Variants in RHOBTB1 observed in about 807,000 individuals in gnomAD.
RHOBTB1 encodes the protein Rho related BTB domain containing 1.
Under a neutral mutation model 71.6 loss-of-function variants are expected in RHOBTB1, and 40 were observed. The observed-to-expected ratio is 0.56, with a 90% CI of 0.43 to 0.73. The LOEUF (loss-of-function observed/expected upper bound fraction) is 0.73, where lower values mean the gene tolerates loss of function less well. Ranked by LOEUF, RHOBTB1 falls within the 30% of genes least tolerant of loss-of-function variation. The pLI is 0.00. For synonymous variants in RHOBTB1, 319 were observed against 334.9 expected, an observed-to-expected ratio of 0.95 and a Z score of 0.52; for missense variants, 797 against 894.0, an observed-to-expected ratio of 0.89 and a Z score of 1.38.
intron 2 of RHOBTB1, among the ~76,000 whole-genome samples, chr10:60,967,441 A>G (rs1279816080): frequency 1.3e-5 from 2 of 151,920 alleles, no homozygotes; most frequent in East Asian, 3.9e-4. Context: ...TACAGGTGTG[A>G]GCCAGTGTGT....
intron 1 of RHOBTB1, among the ~76,000 whole-genome samples, chr10:60,992,822 C>T (rs2086913986): frequency 3.3e-5 from 5 of 152,048 alleles, no homozygotes. Context: ...AAACACATTC[C>T]ATTTAAGAAT....
chr10:60,993,430 T>C (rs2086937011), intron 1 of RHOBTB1, among the ~76,000 whole-genome samples: 2 of 152,194 alleles, frequency 1.3e-5, no homozygotes, highest in African/African-American at 2.4e-5. Context: ...GTTTCTATTA[T>C]ATACATATGC....
intron 2 of RHOBTB1, among the ~76,000 whole-genome samples, chr10:60,970,665 A>G (rs191198323): frequency 3.3e-5 from 5 of 152,254 alleles, no homozygotes; most frequent in East Asian, 3.9e-4. Flanking sequence ...ACCAAACAAC[A>G]TAAGACTCAA....
At chr10:60,890,430 C>T (rs1180119566) in intron 5 of RHOBTB1, among the ~76,000 whole-genome samples, 1 of 152,106 alleles carries the variant, frequency 6.6e-6, no homozygotes, top group Admixed American at 6.6e-5. Context: ...AGTCCATACC[C>T]TTTAGGCTGG....
At chr10:61,001,731 A>C (rs1345567097), upstream of RHOBTB1, among the ~76,000 whole-genome samples, 1 of 152,018 alleles carries the variant, frequency 6.6e-6, no homozygotes, top group Non-Finnish European at 1.5e-5. Flanking sequence ...CAGGGCTGTC[A>C]CCCGCTGGCG....
chr10:60,976,680 T>C, intron 2 of RHOBTB1, among the ~76,000 whole-genome samples: 1 of 152,168 alleles, frequency 6.6e-6, no homozygotes, highest in East Asian at 1.9e-4. Context: ...TACCTCATAA[T>C]ATGTTGTCTT....
chr10:60,969,671 T>C (rs1251901433), intron 2 of RHOBTB1, among the ~76,000 whole-genome samples: 1 of 152,102 alleles, frequency 6.6e-6, no homozygotes, highest in Non-Finnish European at 1.5e-5. Context: ...CTGTGTGTTT[T>C]AGCATCACTT....
rs573491866 is a variant in RHOBTB1, at chr10:60,927,539, G to C, written c.-11+14265C>G. On this transcript the variant is annotated intron_variant, in intron 2 of 10. Transcript: ENST00000337910. ...ACACACTGACCAATGGAAGAGAATAGAGAACCCAGAAAAAAATTCCCACAT... is the reference window on the plus strand; with the variant it reads ...ACACACTGACCAATGGAAGAGAATACAGAACCCAGAAAAAAATTCCCACAT... Among the ~76,000 whole-genome samples the C allele has an allele frequency of 1.2e-4, 18 of 152,256 alleles. No individual in the cohort carries two copies. In the East Asian group the frequency reaches 3.3e-3, roughly 28 times the overall value.
intron 4 of RHOBTB1, among the ~76,000 whole-genome samples, chr10:60,906,690 C>T (rs1002382848): frequency 3.3e-5 from 5 of 152,204 alleles, no homozygotes; most frequent in African/African-American, 4.8e-5. Context: ...GGCCTGGTGC[C>T]TGGGGCACCC....
intron 1 of RHOBTB1, among the ~76,000 whole-genome samples, chr10:60,996,571 G>A (rs1356664054): frequency 6.6e-6 from 1 of 152,120 alleles, no homozygotes; most frequent in East Asian, 1.9e-4. Flanking sequence ...CGGCAGCCTG[G>A]AACCCAAGGG....
chr10:60,919,809 T>C (rs1431488280), intron 2 of RHOBTB1, among the ~76,000 whole-genome samples: 1 of 152,228 alleles, frequency 6.6e-6, no homozygotes, highest in Non-Finnish European at 1.5e-5. Context: ...GATCGTGCTC[T>C]CTATGCTTTT....
rs2080692899 is a variant in RHOBTB1 at position 60,869,736 on chromosome 10, G to A, written c.*1746C>T. ...ATACATGTCAATTCTTCCACATCTT[G>A]TCTCCTTTCTCCTTCCATCGATAAG... On this transcript the variant is annotated 3_prime_UTR_variant, in exon 11 of 11. Coordinates refer to ENST00000337910, the MANE Select transcript of RHOBTB1 (RefSeq NM_014836.5). The A allele has an allele frequency of 1.3e-5, 2 of 152,476 alleles. No individual in the cohort carries two copies. The highest frequency in any genetic ancestry group is 4.8e-5 in the African/African-American group (2 of 41,404). The allele number at this position is 152,476 out of a possible 1,614,324, so 9.4% of individuals were successfully genotyped here. A position where few individuals can be genotyped will look rare whatever the true frequency, so the allele number is the denominator to read the frequency against.
Position 60,911,429 on chromosome 10 carries a change from G to A in RHOBTB1, c.114C>T (p.Thr38=). ...CCAGCAGCTGATACTGCGTGAGTGTGGTGTTGCACGCCCTGGCACAGATCA... is the reference window on the plus strand; with the variant it reads ...CCAGCAGCTGATACTGCGTGAGTGTAGTGTTGCACGCCCTGGCACAGATCA... ...TRLICARACN[T]TLTQYQLLAT... The change falls in exon 3 of 11, where the codon ACC becomes ACT. Residue 38 remains threonine, a synonymous_variant. Coordinates refer to ENST00000337910, the MANE Select transcript of RHOBTB1 (RefSeq NM_014836.5). 1 of 1,614,184 alleles carries A rather than the reference G, an allele frequency of 6.2e-7. No individual in the cohort carries two copies. Among genetic ancestry groups the A allele is most frequent in the South Asian group, 1.1e-5 (1 of 91,086 alleles).
intron 6 of RHOBTB1, among the ~76,000 whole-genome samples, chr10:60,887,560 A>C (rs2081645820): frequency 6.6e-6 from 1 of 152,238 alleles, no homozygotes; most frequent in Non-Finnish European, 1.5e-5. Context: ...TGCTGCGGGC[A>C]GCATATGGCA....
At chr10:60,917,317 T>C (rs2083318046) in intron 2 of RHOBTB1, among the ~76,000 whole-genome samples, 1 of 152,116 alleles carries the variant, frequency 6.6e-6, no homozygotes, top group Non-Finnish European at 1.5e-5. Flanking sequence ...TATTCAGATA[T>C]CCTACTGTGG....
intron 2 of RHOBTB1, among the ~76,000 whole-genome samples, chr10:60,935,851 G>A (rs1199397312): frequency 1.3e-5 from 2 of 152,116 alleles, no homozygotes; most frequent in South Asian, 4.2e-4. Flanking sequence ...CAATATAATG[G>A]TGTGACACTG....
chr10:60,966,508 TAA>T (rs968459395), intron 2 of RHOBTB1, among the ~76,000 whole-genome samples: 3 of 142,286 alleles, frequency 2.1e-5, no homozygotes, highest in Admixed American at 7.1e-5. Flanking sequence ...TATCTCTAAT[TAA>T]AAAAAAAAAA....
chr10:60,966,692 AT>A (rs896038628), intron 2 of RHOBTB1, among the ~76,000 whole-genome samples: 20 of 145,448 alleles, frequency 1.4e-4, no homozygotes, highest in African/African-American at 4.1e-4. Flanking sequence ...TTTAATCTTT[AT>A]TTTTTTTACT....
downstream of RHOBTB1, among the ~76,000 whole-genome samples, chr10:60,864,986 C>T (rs118079104): frequency 0.014 from 2,069 of 152,194 alleles, 22 homozygotes; most frequent in Non-Finnish European, 0.022. Flanking sequence ...CCACTGTGCC[C>T]GGCTTGACTA....
Sources: allele counts gnomAD v4.1 joint callset (sites outside exome capture counted in the v4.1 genomes callset), GRCh38; gene constraint gnomAD v4.1.1; transcripts MANE v1.5; gene names NCBI Gene and HGNC (gene_info 2026-07-23, HGNC 2026-07-21).